The following VAV1 variants were observed in gnomAD, a reference collection of about 807,000 sequenced individuals.
VAV1 encodes the protein vav guanine nucleotide exchange factor 1.
In VAV1, 33 loss-of-function variants were observed where a neutral mutation model predicts 128.1. That is an observed-to-expected ratio of 0.26 (90% confidence interval 0.20 to 0.34). VAV1 has a LOEUF of 0.34. Ranked by LOEUF, VAV1 falls within the 10% of genes least tolerant of loss-of-function variation. VAV1 has a pLI of 1.00. For synonymous variants in VAV1, 394 were observed against 409.8 expected (o/e 0.96, Z 0.47); for missense variants, 715 against 1,093.7 (o/e 0.65, Z 4.88).
At chr19:6,803,291 A>G (rs1971314707) in intron 1 of VAV1, among the ~76,000 whole-genome samples, 1 of 152,240 alleles carries the variant, frequency 6.6e-6, no homozygotes, top group East Asian at 1.9e-4. Flanking sequence ...TGCAAATTAA[A>G]GGGCAGATTA....
intron 21 of VAV1, among the ~76,000 whole-genome samples, chr19:6,842,594 G>A (rs1396789333): frequency 6.6e-6 from 1 of 152,122 alleles, no homozygotes; most frequent in Non-Finnish European, 1.5e-5. Flanking sequence ...CAAGGCAGGA[G>A]GATTGCTTGA....
chr19:6,837,861 G>T (rs1299044158), intron 21 of VAV1, among the ~76,000 whole-genome samples: 5 of 152,072 alleles, frequency 3.3e-5, no homozygotes, highest in African/African-American at 1.2e-4. Flanking sequence ...ACCAGAGCAA[G>T]ATATTAAAAG....
intron 26 of VAV1, 135 bp from the exon 27 acceptor site, chr19:6,856,919 G>T (rs1194635586): frequency 1.4e-6 from 1 of 711,516 alleles, no homozygotes; most frequent in East Asian, 2.6e-5. Flanking sequence ...TACGTTGGGT[G>T]ATGTGTTTTC....
At chr19:6,784,161 G>A (rs1345319960) in intron 1 of VAV1, 1 of 561,804 alleles carries the variant, frequency 1.8e-6, no homozygotes, top group African/African-American at 1.9e-5. Flanking sequence ...AGTTGAGGCA[G>A]GAGGATCGCT....
At chr19:6,829,755 C>A (rs1333309731) in intron 13 of VAV1, 31 bp from the exon 14 acceptor site, 2 of 1,612,574 alleles carry the variant, frequency 1.2e-6, no homozygotes, top group Admixed American at 1.7e-5. Context: ...TTGGGAAGAG[C>A]CAGACAGGAA....
chr19:6,856,699 AG>A (rs975844424), intron 26 of VAV1, among the ~76,000 whole-genome samples: 4 of 144,522 alleles, frequency 2.8e-5, no homozygotes, highest in African/African-American at 1.0e-4. Context: ...ACTCCAGCCT[AG>A]GGGGCAGAGT....
At position 6,780,157 on chromosome 19, in the gene VAV1, T is replaced by TAATAA; in HGVS notation, c.204+7148_204+7149insTAAAA. On this transcript the variant is annotated intron_variant, in intron 1 of 26. Transcript: ENST00000602142. ...ATAATAATAATAATAATAATAATAATAACCTCATCCATGAATCATTTTCCA... is the reference window on the plus strand; with the variant it reads ...ATAATAATAATAATAATAATAATAATAATAAAACCTCATCCATGAATCATTTTCCA... Among the ~76,000 whole-genome samples, 2 of 132,336 alleles carry TAATAA rather than the reference T, an allele frequency of 1.5e-5. 1 individual carries two copies. Among genetic ancestry groups the TAATAA allele is most frequent in the South Asian group, 4.8e-4 (2 of 4,124 alleles). The allele number at this position is 132,336 out of a possible 152,430, so 86.8% of individuals were successfully genotyped here.
chr19:6,805,865 G>A (rs1323594116), intron 1 of VAV1, among the ~76,000 whole-genome samples: 1 of 151,880 alleles, frequency 6.6e-6, no homozygotes, highest in Non-Finnish European at 1.5e-5. Flanking sequence ...AAGGAAGGAA[G>A]GAAGATCAGC....
chr19:6,826,926 C>T lies in VAV1; in HGVS notation c.927+215C>T. On this transcript the variant is annotated intron_variant, in intron 9 of 26. Transcript: ENST00000602142. This position sits in a 1 kb window ranked among gnomAD's most constrained non-coding sequence, Gnocchi z 4.1. ...CTGGGTCTGGGCTGACCCCTGATAT[C>T]AGGGTGAAGTCCTGACCCTGAACTG... 2 of 585,226 alleles carry T rather than the reference C, an allele frequency of 3.4e-6. No individual in the cohort carries two copies. The highest frequency in any genetic ancestry group is 6.1e-6 in the Non-Finnish European group (2 of 326,238). The allele number at this position is 585,226 out of a possible 1,614,324, so 36.3% of individuals were successfully genotyped here.
At chr19:6,817,830 G>C (rs1971688939) in intron 1 of VAV1, among the ~76,000 whole-genome samples, 1 of 152,046 alleles carries the variant, frequency 6.6e-6, no homozygotes, top group South Asian at 2.1e-4. Context: ...GGGACTACAG[G>C]CACCCGCCAC....
At position 6,777,589 on chromosome 19, in the gene VAV1, A is replaced by G. The variant is rs931608754; in HGVS notation, c.204+4578A>G. 6.6e-6 allele frequency among the ~76,000 whole-genome samples: 1 copy of G among 152,170 alleles called. No individual in the cohort carries two copies. Among genetic ancestry groups the G allele is most frequent in the Non-Finnish European group, 1.5e-5 (1 of 68,042 alleles). The stretch of plus-strand genomic sequence containing the variant: ...GATCTGGGGAAATGGTGTTCCAGAC[A>G]GTGGTTACTGCCAGTGCAAAGGCCC... On this transcript the variant is annotated intron_variant, in intron 1 of 26. Transcript: ENST00000602142. This position sits in a 1 kb window ranked among gnomAD's most constrained non-coding sequence, Gnocchi z 4.4.
rs182074220 is a variant in VAV1 at position 6,783,082 on chromosome 19, A to T, written c.204+10071A>T. On this transcript the variant is annotated intron_variant, in intron 1 of 26. Transcript: ENST00000602142. ...GTAGTCCCAGCTACTCAGGAGGCTGAGGCAGGAGAATGGCTTGAACCTGGG... is the reference window on the plus strand; with the variant it reads ...GTAGTCCCAGCTACTCAGGAGGCTGTGGCAGGAGAATGGCTTGAACCTGGG... Among the ~76,000 whole-genome samples, 332 of 152,262 alleles carry T rather than the reference A, an allele frequency of 2.2e-3. 1 individual carries two copies. The highest frequency in any genetic ancestry group is 7.6e-3 in the African/African-American group (317 of 41,556).
chr19:6,773,314 C>A (rs1254569651), intron 1 of VAV1, among the ~76,000 whole-genome samples: 2 of 152,234 alleles, frequency 1.3e-5, no homozygotes, highest in East Asian at 1.9e-4. Context: ...TTCATGCCCC[C>A]AGATGGGACC....
intron 1 of VAV1, among the ~76,000 whole-genome samples, chr19:6,792,468 G>A (rs1416726384): frequency 3.3e-5 from 5 of 152,162 alleles, no homozygotes; most frequent in Non-Finnish European, 7.3e-5. Flanking sequence ...ATCTTCTACT[G>A]TAGTAGGAAG....
At chr19:6,815,842 A>G (rs1971632900) in intron 1 of VAV1, among the ~76,000 whole-genome samples, 1 of 152,038 alleles carries the variant, frequency 6.6e-6, no homozygotes, top group Non-Finnish European at 1.5e-5. Flanking sequence ...GGTGGGTGGA[A>G]GCTCATGCTA....
intron 1 of VAV1, among the ~76,000 whole-genome samples, chr19:6,813,902 A>T (rs1024556126): frequency 2.6e-5 from 4 of 151,354 alleles, no homozygotes; most frequent in Non-Finnish European, 4.4e-5. Flanking sequence ...AAAAATCTTT[A>T]AAAAAAAATT....
chr19:6,846,229 ATGT>A (rs1420023761), intron 22 of VAV1, among the ~76,000 whole-genome samples: 16 of 151,314 alleles, frequency 1.1e-4, no homozygotes, highest in African/African-American at 2.7e-4. Context: ...CATTTAAATC[ATGT>A]TGTACATTAT....
intron 1 of VAV1, among the ~76,000 whole-genome samples, chr19:6,811,711 A>T (rs1971516588): frequency 6.6e-6 from 1 of 152,162 alleles, no homozygotes; most frequent in Non-Finnish European, 1.5e-5. Context: ...TGGAATGGAG[A>T]TCCATGAGGT....
intron 1 of VAV1, among the ~76,000 whole-genome samples, chr19:6,810,902 A>G (rs1414701248): frequency 6.6e-6 from 1 of 152,100 alleles, no homozygotes; most frequent in African/African-American, 2.4e-5. Context: ...GAAAGAATGA[A>G]CCTGTTTCCC....
Sources: allele counts gnomAD v4.1 joint callset (sites outside exome capture counted in the v4.1 genomes callset), GRCh38; gene constraint gnomAD v4.1.1; non-coding constraint Gnocchi (gnomAD v3.1); transcripts MANE v1.5; gene names NCBI Gene and HGNC (gene_info 2026-07-23, HGNC 2026-07-21).